The following B3GALT5 variants were observed in gnomAD, a reference collection of about 807,000 sequenced individuals.
The protein encoded by B3GALT5 is beta-1,3-galactosyltransferase 5.
For synonymous variants in B3GALT5, 156 were observed against 158.6 expected, an observed-to-expected ratio of 0.98 and a Z score of 0.12; for missense variants, 328 against 396.6, an observed-to-expected ratio of 0.83 and a Z score of 1.47.
At chr21:39,622,262 G>A (rs2079137921) in intron 1 of B3GALT5, among the ~76,000 whole-genome samples, 1 of 151,960 alleles carries the variant, frequency 6.6e-6, no homozygotes, top group African/African-American at 2.4e-5. Context: ...TTCTGTTTCT[G>A]TATGGTTTAA....
intron 2 of B3GALT5, among the ~76,000 whole-genome samples, chr21:39,648,684 T>C (rs2079364632): frequency 6.6e-6 from 1 of 152,210 alleles, no homozygotes; most frequent in Admixed American, 6.5e-5. Flanking sequence ...CGCTGGGAGA[T>C]GATCTTTGCT....
rs1220745788 is a variant in B3GALT5 at position 39,667,425 on chromosome 21, A to G, written c.*5933A>G. 6.6e-6 allele frequency: 1 copy of G among 152,240 alleles called. No homozygotes were observed. Among genetic ancestry groups the G allele is most frequent in the Non-Finnish European group, 1.5e-5 (1 of 68,042 alleles). The allele number at this position is 152,240 out of a possible 1,614,324, so 9.4% of individuals were successfully genotyped here. On this transcript the variant is annotated 3_prime_UTR_variant, in exon 4 of 4. Transcript: ENST00000684187. ...CGATGTTTACTTTGGTTTCATAAGT[A>G]ATTTATTAAAATTCCTTCCTAAGCT... is the stretch of plus-strand genomic sequence containing the variant.
intron 2 of B3GALT5, among the ~76,000 whole-genome samples, chr21:39,652,961 A>G (rs371756208): frequency 5.9e-5 from 9 of 152,190 alleles, no homozygotes; most frequent in African/African-American, 1.7e-4. Flanking sequence ...AAATATTAAC[A>G]TGGTACAATT....
chr21:39,625,796 C>G (rs186030500), intron 1 of B3GALT5, among the ~76,000 whole-genome samples: 16 of 152,296 alleles, frequency 1.1e-4, no homozygotes, highest in Middle Eastern at 6.8e-3. Context: ...TCCCTCTAGC[C>G]CTAGTCTTGG....
At position 39,666,180 on chromosome 21, in the gene B3GALT5, T is replaced by G. The variant is rs2146229659; in HGVS notation, c.*4688T>G. The stretch of plus-strand genomic sequence containing the variant: ...ACAGCCATGCTCTTCACCCCTTTTC[T>G]TCCAAAACGGAAAACCTCACACAAT... On this transcript the variant is annotated 3_prime_UTR_variant, in exon 4 of 4. Coordinates refer to ENST00000684187, the MANE Select transcript of B3GALT5 (RefSeq NM_001356336.2). The G allele has an allele frequency of 6.6e-6, 1 of 152,422 alleles. No homozygotes were observed. The highest frequency in any genetic ancestry group is 1.9e-4 in the East Asian group (1 of 5,186). 9.4% of individuals were successfully genotyped at this position (152,422 alleles called of 1,614,324 possible).
chr21:39,640,122 G>T (rs2146199650), intron 1 of B3GALT5, among the ~76,000 whole-genome samples: 1 of 152,266 alleles, frequency 6.6e-6, no homozygotes, highest in South Asian at 2.1e-4. Context: ...GATGAGGAAA[G>T]CGGAGGTCTG....
At chr21:39,617,163 A>G (rs2079111171) in intron 1 of B3GALT5, among the ~76,000 whole-genome samples, 3 of 152,100 alleles carry the variant, frequency 2.0e-5, no homozygotes. Context: ...TTTCCACATC[A>G]CTTCTATGTA....
chr21:39,647,668 T>G (rs1022147536), intron 2 of B3GALT5, among the ~76,000 whole-genome samples: 3 of 152,146 alleles, frequency 2.0e-5, no homozygotes, highest in Non-Finnish European at 4.4e-5. Context: ...AGTCTTCCTC[T>G]TCCTTCCCCA....
Position 39,661,534 on chromosome 21 carries a change from G to A in B3GALT5, c.*42G>A, listed in dbSNP as rs376207581. Reference sequence around the variant, plus strand: ...CATCCGGACAAGTTTCAGATAACCCGTGGGGATAGTTTTTGCTAGATTTTG... The same window carrying A: ...CATCCGGACAAGTTTCAGATAACCCATGGGGATAGTTTTTGCTAGATTTTG... On this transcript the variant is annotated 3_prime_UTR_variant, in exon 4 of 4. Coordinates refer to ENST00000684187, the MANE Select transcript of B3GALT5 (RefSeq NM_001356336.2). The surrounding 1 kb of genome is among the most constrained non-coding windows in gnomAD (Gnocchi z 4.7). The A allele has an allele frequency of 3.4e-5, 50 of 1,470,230 alleles. 1 individual carries two copies. In the African/African-American group the frequency reaches 4.4e-4, roughly 13 times the overall value. 91.1% of individuals were successfully genotyped at this position (1,470,230 alleles called of 1,614,324 possible).
Position 39,670,650 on chromosome 21 carries a change from A to G in B3GALT5, c.*9158A>G, listed in dbSNP as rs913001029. Reference sequence around the variant, plus strand: ...TAAAGTGAAACAGATCAACCAGCCTATTGAGTATCTACGTGTTTTTTTTAC... The same window carrying G: ...TAAAGTGAAACAGATCAACCAGCCTGTTGAGTATCTACGTGTTTTTTTTAC... On this transcript the variant is annotated 3_prime_UTR_variant, in exon 4 of 4. Coordinates refer to ENST00000684187, the MANE Select transcript of B3GALT5 (RefSeq NM_001356336.2). 5 of 152,106 alleles carry G rather than the reference A, an allele frequency of 3.3e-5. No individual in the cohort carries two copies. Among genetic ancestry groups the G allele is most frequent in the African/African-American group, 1.2e-4 (5 of 41,426 alleles). 9.4% of individuals were successfully genotyped at this position (152,106 alleles called of 1,614,324 possible). A position where few individuals can be genotyped will look rare whatever the true frequency, so the allele number is the denominator to read the frequency against.
chr21:39,614,794 G>A (rs2079099085), intron 1 of B3GALT5, among the ~76,000 whole-genome samples: 1 of 152,190 alleles, frequency 6.6e-6, no homozygotes, highest in Non-Finnish European at 1.5e-5. Flanking sequence ...CATCCCAGGG[G>A]ATGCCCCCCA....
At chr21:39,648,096 A>T (rs571357571) in intron 2 of B3GALT5, among the ~76,000 whole-genome samples, 10 of 152,150 alleles carry the variant, frequency 6.6e-5, no homozygotes, top group East Asian at 3.9e-4. Flanking sequence ...CTTACTTTTT[A>T]AAAAAAAGTC....
chr21:39,645,463 G>T (rs2079328216), intron 1 of B3GALT5, among the ~76,000 whole-genome samples: 1 of 152,196 alleles, frequency 6.6e-6, no homozygotes, highest in Non-Finnish European at 1.5e-5. Context: ...CCAGCAGGAG[G>T]TAGGGGTTCA....
intron 1 of B3GALT5, among the ~76,000 whole-genome samples, chr21:39,626,192 G>T (rs577506285): frequency 6.6e-6 from 1 of 152,252 alleles, no homozygotes; most frequent in East Asian, 1.9e-4. Flanking sequence ...TTGTCCTGTT[G>T]TGTCTGGTTT....
At chr21:39,652,667 G>T (rs749878571) in intron 2 of B3GALT5, among the ~76,000 whole-genome samples, 2 of 152,178 alleles carry the variant, frequency 1.3e-5, no homozygotes, top group African/African-American at 2.4e-5. Context: ...ATATTGATTT[G>T]GCAATTAGTG....
chr21:39,652,346 C>T (rs2079403997), intron 2 of B3GALT5, among the ~76,000 whole-genome samples: 1 of 152,240 alleles, frequency 6.6e-6, no homozygotes. Flanking sequence ...CAAGGTAGAC[C>T]TTGAAGGCAA....
chr21:39,637,056 C>T (rs2079233405), intron 1 of B3GALT5, among the ~76,000 whole-genome samples: 1 of 152,178 alleles, frequency 6.6e-6, no homozygotes, highest in South Asian at 2.1e-4. Flanking sequence ...TGCTGTGCTC[C>T]TCTTGATCCC....
chr21:39,632,780 G>T (rs2079200649), intron 1 of B3GALT5, among the ~76,000 whole-genome samples: 1 of 152,158 alleles, frequency 6.6e-6, no homozygotes, highest in African/African-American at 2.4e-5. Context: ...TAGGGATGGG[G>T]GTATAAATGT....
chr21:39,623,680 G>A (rs759484125), intron 1 of B3GALT5, among the ~76,000 whole-genome samples: 3 of 152,090 alleles, frequency 2.0e-5, no homozygotes, highest in Non-Finnish European at 2.9e-5. Context: ...CAGCTTAATT[G>A]TGACTGTTTT....
Sources: gnomAD v4.1 joint callset for allele counts (sites outside exome capture counted in the v4.1 genomes callset) on GRCh38, gnomAD v4.1.1 for gene constraint, Gnocchi (gnomAD v3.1) non-coding constraint, MANE v1.5 for transcripts, NCBI Gene and HGNC (gene_info 2026-07-23, HGNC 2026-07-21) for gene names.